Variants in BIN3 observed in about 807,000 individuals in gnomAD.
BIN3 encodes the protein bridging integrator 3.
BIN3 carries 41 observed loss-of-function variants against 38.2 expected under a neutral mutation model. That is an observed-to-expected ratio of 1.07 (90% CI 0.84 to 1.39). The LOEUF is 1.39. BIN3 is among the 40% of genes most tolerant of loss of function. The probability of loss-of-function intolerance (pLI) is 0.00; values close to 1 mark genes in which losing one functional copy is unlikely to be tolerated. For synonymous variants in BIN3, 145 were observed against 122.6 expected (o/e 1.18, Z -1.21); for missense variants, 361 against 324.3 (o/e 1.11, Z -0.87).
chr8:22,624,041 C>T lies in BIN3; in HGVS notation c.489G>A (p.Glu163=), dbSNP rs199588752. 9.5e-4 allele frequency: 1,534 copies of T among 1,612,958 alleles called. 2 individuals carry two copies. The highest frequency in any genetic ancestry group is 1.2e-3 in the Non-Finnish European group (1,430 of 1,179,612). The change falls in exon 8 of 9, where the codon GAG becomes GAA. Residue 163 remains glutamate (E), a synonymous_variant. Transcript: ENST00000276416. ...AGTCCTCCCGCACAGGCCGCAGCTC[C>T]TCTCGTGCCTAGGGAACAAGACCTG... ...PVLAKLHQAR[E]ELRPVREDFE...
chr8:22,637,496 T>C (rs1411645789), intron 2 of BIN3, among the ~76,000 whole-genome samples: 1 of 152,160 alleles, frequency 6.6e-6, no homozygotes, highest in Non-Finnish European at 1.5e-5. Context: ...GTGATTGGGA[T>C]GCATCAAACA....
At position 22,624,068 on chromosome 8, in the gene BIN3, G is replaced by A. The variant is rs955211685; in HGVS notation, c.481-19C>T. 2 of 1,584,820 alleles carry A rather than the reference G, an allele frequency of 1.3e-6. No homozygotes were observed. Among genetic ancestry groups the A allele is most frequent in the Non-Finnish European group, 1.7e-6 (2 of 1,161,600 alleles). On this transcript the variant is annotated intron_variant, in intron 7 of 8. Coordinates refer to ENST00000276416, the MANE Select transcript of BIN3 (RefSeq NM_018688.6). Reference sequence around the variant, plus strand: ...CTCGTGCCTAGGGAACAAGACCTGGGTGTCAAAACTCTCTCACTGCTGGGT... The same window carrying A: ...CTCGTGCCTAGGGAACAAGACCTGGATGTCAAAACTCTCTCACTGCTGGGT...
At chr8:22,665,975 C>T (rs1803404633) in intron 1 of BIN3, among the ~76,000 whole-genome samples, 1 of 152,142 alleles carries the variant, frequency 6.6e-6, no homozygotes. Context: ...CAGAGAACAG[C>T]TCAATGCTTG....
intron 1 of BIN3, among the ~76,000 whole-genome samples, chr8:22,666,759 AT>A (rs1803434526): frequency 6.6e-6 from 1 of 152,212 alleles, no homozygotes; most frequent in East Asian, 1.9e-4. Flanking sequence ...GCCCAGAACA[AT>A]GGTTACCCTC....
At chr8:22,658,853 G>C (rs1210367975) in intron 1 of BIN3, among the ~76,000 whole-genome samples, 1 of 152,250 alleles carries the variant, frequency 6.6e-6, no homozygotes, top group African/African-American at 2.4e-5. Flanking sequence ...GTGGTTGATA[G>C]TGGCTGAAAT....
intron 1 of BIN3, 27 bp from the exon 2 acceptor site, chr8:22,644,830 T>G (rs922562652): frequency 9.4e-6 from 15 of 1,597,512 alleles, no homozygotes; most frequent in Admixed American, 5.1e-5. Flanking sequence ...CAAAGAGAGA[T>G]ATTGTGAGAA....
intron 1 of BIN3, among the ~76,000 whole-genome samples, chr8:22,668,178 C>T (rs1446559540): frequency 1.3e-5 from 2 of 152,164 alleles, no homozygotes; most frequent in Non-Finnish European, 2.9e-5. Flanking sequence ...TGAGTATTCT[C>T]TAACCTCTAA....
At chr8:22,635,801 GA>G (rs1802348278) in intron 4 of BIN3, among the ~76,000 whole-genome samples, 1 of 152,188 alleles carries the variant, frequency 6.6e-6, no homozygotes, top group Admixed American at 6.5e-5. Flanking sequence ...AGGCCTTGGA[GA>G]AAGAACCTCA....
chr8:22,635,390 T>A (rs1802335154), intron 4 of BIN3, among the ~76,000 whole-genome samples: 1 of 152,138 alleles, frequency 6.6e-6, no homozygotes, highest in South Asian at 2.1e-4. Flanking sequence ...TCGGTCAGCA[T>A]CTGCTGAGTG....
At chr8:22,636,483 C>T (rs1802369420) in intron 4 of BIN3, 42 bp downstream of exon 4, 1 of 1,546,756 alleles carries the variant, frequency 6.5e-7, no homozygotes, top group South Asian at 1.2e-5. Flanking sequence ...CCACCTCTGC[C>T]CCACCTGCTC....
chr8:22,627,645 G>A (rs986250544), intron 6 of BIN3, among the ~76,000 whole-genome samples: 5 of 130,500 alleles, frequency 3.8e-5, no homozygotes, highest in South Asian at 2.8e-4. Flanking sequence ...CTGTTCCAGC[G>A]CACTTCACCC....
At chr8:22,667,055 A>G (rs1188894623) in intron 1 of BIN3, among the ~76,000 whole-genome samples, 1 of 152,220 alleles carries the variant, frequency 6.6e-6, no homozygotes, top group Non-Finnish European at 1.5e-5. Context: ...CCCGTCTTTG[A>G]GAGACAGGGT....
chr8:22,667,634 G>A (rs1803464243), intron 1 of BIN3, among the ~76,000 whole-genome samples: 1 of 152,162 alleles, frequency 6.6e-6, no homozygotes, highest in Non-Finnish European at 1.5e-5. Context: ...CACTAACTAG[G>A]TTATAACAAG....
intron 2 of BIN3, among the ~76,000 whole-genome samples, chr8:22,644,335 A>C (rs1802650794): frequency 6.6e-6 from 1 of 152,260 alleles, no homozygotes; most frequent in Non-Finnish European, 1.5e-5. Flanking sequence ...GGCCGAGGCC[A>C]CTGGGAAAAG....
At chr8:22,636,429 C>G in intron 4 of BIN3, 96 bp downstream of exon 4, 1 of 1,291,990 alleles carries the variant, frequency 7.7e-7, no homozygotes, top group East Asian at 2.5e-5. Context: ...GTCCTCTGAG[C>G]GCAGCAACTT....
chr8:22,632,042 T>C (rs1802220218), intron 4 of BIN3, among the ~76,000 whole-genome samples: 1 of 152,220 alleles, frequency 6.6e-6, no homozygotes, highest in South Asian at 2.1e-4. Context: ...TTTCTTACCA[T>C]ATGCATGTTA....
chr8:22,648,272 G>A (rs774432514), intron 1 of BIN3, among the ~76,000 whole-genome samples: 8 of 152,074 alleles, frequency 5.3e-5, no homozygotes, highest in Admixed American at 1.3e-4. Flanking sequence ...AACCAACAGT[G>A]AGAGTCAAGA....
rs1802039653 is a variant in BIN3, at chr8:22,627,496, A to T, written c.338+2468T>A. ...CTCAGGCTGCTGGCAGGGGAGGTGG[A>T]GACGTGCACAGGCTGGGCGCCTGTG... On this transcript the variant is annotated intron_variant, in intron 6 of 8. Transcript: ENST00000276416. Among the ~76,000 whole-genome samples the T allele has an allele frequency of 2.6e-5, 4 of 152,228 alleles. No homozygotes were observed. The South Asian group carries it at 8.3e-4, about 32-fold the overall frequency.
intron 1 of BIN3, 84 bp downstream of exon 1, chr8:22,668,960 G>A (rs977279701): frequency 1.3e-6 from 2 of 1,529,848 alleles, no homozygotes; most frequent in South Asian, 1.2e-5. Context: ...GGACCGGAGG[G>A]AGCCGGGACG....
Sources: allele counts gnomAD v4.1 joint callset (sites outside exome capture counted in the v4.1 genomes callset), GRCh38; gene constraint gnomAD v4.1.1; transcripts MANE v1.5; gene names NCBI Gene and HGNC (gene_info 2026-07-23, HGNC 2026-07-21).